ZFAND3: variants seen among roughly 807,000 people sequenced by gnomAD.
The protein encoded by ZFAND3 is AN1-type zinc finger protein 3.
Under a neutral mutation model 29.6 loss-of-function variants are expected in ZFAND3, and 10 were observed. That is an observed-to-expected ratio of 0.34 (90% confidence interval 0.21 to 0.57). The LOEUF is 0.57. Ranked by LOEUF, ZFAND3 falls within the 20% of genes least tolerant of loss-of-function variation. The probability of loss-of-function intolerance (pLI) is 0.86; values close to 1 mark genes in which losing one functional copy is unlikely to be tolerated. For synonymous variants in ZFAND3, 128 were observed against 112.6 expected, an observed-to-expected ratio of 1.14 and a Z score of -0.87; for missense variants, 230 against 304.5, an observed-to-expected ratio of 0.76 and a Z score of 1.82.
At chr6:38,061,875 T>A in intron 3 of ZFAND3, 100 bp downstream of exon 3, 1 of 1,363,152 alleles carries the variant, frequency 7.3e-7, no homozygotes, top group Non-Finnish European at 9.9e-7. Context: ...GCACTTCTTT[T>A]AATTCAAGAT....
At chr6:38,082,349 A>G in intron 3 of ZFAND3, 43 bp from the exon 4 acceptor site, 1 of 1,568,370 alleles carries the variant, frequency 6.4e-7, no homozygotes, top group Non-Finnish European at 8.7e-7. Flanking sequence ...ATGGGCATGT[A>G]AAGGATGTGT....
chr6:38,153,557 C>T lies in ZFAND3; in HGVS notation c.*1168C>T. On this transcript the variant is annotated 3_prime_UTR_variant, in exon 6 of 6. Coordinates refer to ENST00000287218, the MANE Select transcript of ZFAND3 (RefSeq NM_021943.3). Reference sequence around the variant, plus strand: ...ACAGCGGTTTGTGGCTGTGGCCCAGCTCCGAGAGTGATATTTGCTCTGGTA... The same window carrying T: ...ACAGCGGTTTGTGGCTGTGGCCCAGTTCCGAGAGTGATATTTGCTCTGGTA... The T allele has an allele frequency of 2.0e-6, 2 of 985,532 alleles. No individual in the cohort carries two copies. Among genetic ancestry groups the T allele is most frequent in the East Asian group, 1.1e-4 (1 of 8,814 alleles). The allele number at this position is 985,532 out of a possible 1,614,324, so 61.0% of individuals were successfully genotyped here.
chr6:37,860,151 G>A (rs1318282256), intron 1 of ZFAND3, among the ~76,000 whole-genome samples: 1 of 148,398 alleles, frequency 6.7e-6, no homozygotes, highest in Non-Finnish European at 1.5e-5. Context: ...GATTACAGGC[G>A]TGAACCACCG....
chr6:38,153,699 A>T lies in ZFAND3; in HGVS notation c.*1310A>T. On this transcript the variant is annotated 3_prime_UTR_variant, in exon 6 of 6. Transcript: ENST00000287218. ...GGGTGGGGGTGGGCCTGGTTGCCCC[A>T]TGTTAGGAAATCACTACCAGTCAGG... 1.0e-6 allele frequency: 1 copy of T among 985,236 alleles called. No individual in the cohort carries two copies. The highest frequency in any genetic ancestry group is 1.2e-6 in the Non-Finnish European group (1 of 829,874). The allele number at this position is 985,236 out of a possible 1,614,324, so 61.0% of individuals were successfully genotyped here. A position where few individuals can be genotyped will look rare whatever the true frequency, so the allele number is the denominator to read the frequency against.
At chr6:37,993,558 C>T (rs1045804318) in intron 2 of ZFAND3, among the ~76,000 whole-genome samples, 1 of 152,240 alleles carries the variant, frequency 6.6e-6, no homozygotes, top group South Asian at 2.1e-4. Context: ...AACTCCTGAC[C>T]TCAAGTGATC....
At chr6:37,830,621 C>T (rs1015341414) in intron 1 of ZFAND3, among the ~76,000 whole-genome samples, 2 of 152,152 alleles carry the variant, frequency 1.3e-5, no homozygotes, top group Admixed American at 6.5e-5. Context: ...CCTTCTTAGC[C>T]AGTTAAAGAA....
chr6:37,859,070 T>C (rs920894736), intron 1 of ZFAND3, among the ~76,000 whole-genome samples: 2 of 152,236 alleles, frequency 1.3e-5, no homozygotes, highest in African/African-American at 4.8e-5. Flanking sequence ...AGGAGCAGCA[T>C]GTTGTGATGT....
intron 4 of ZFAND3, among the ~76,000 whole-genome samples, chr6:38,087,884 A>G (rs947092497): frequency 6.6e-6 from 1 of 152,182 alleles, no homozygotes; most frequent in Admixed American, 6.5e-5. Context: ...CTGCACTCCC[A>G]TATATATTGC....
chr6:38,023,194 G>T (rs1243590864), intron 2 of ZFAND3, among the ~76,000 whole-genome samples: 3 of 152,180 alleles, frequency 2.0e-5, no homozygotes, highest in Non-Finnish European at 4.4e-5. Context: ...ATCAAGGAGG[G>T]TTTTATCCTT....
intron 2 of ZFAND3, among the ~76,000 whole-genome samples, chr6:37,958,736 C>A (rs771065914): frequency 1.3e-5 from 2 of 151,496 alleles, no homozygotes; most frequent in African/African-American, 4.8e-5. Flanking sequence ...TCAGGACCGC[C>A]CCCCCCTTCC....
Position 37,851,078 on chromosome 6 carries a change from C to T in ZFAND3, c.71+31062C>T, listed in dbSNP as rs564636269. Among the ~76,000 whole-genome samples, 442 of 150,558 alleles carry T rather than the reference C, an allele frequency of 2.9e-3. 3 individuals are homozygous for T. Among genetic ancestry groups the T allele is most frequent in the African/African-American group, 0.01 (420 of 40,912 alleles). ...TTTTTTCTTTTTTGAGACAGTGTCT[C>T]GCACTGTCACCCAGGCTGGAGTGCA... On this transcript the variant is annotated intron_variant, in intron 1 of 5. Transcript: ENST00000287218.
At chr6:37,994,425 TAGAG>T (rs548482072) in intron 2 of ZFAND3, among the ~76,000 whole-genome samples, 120 of 152,304 alleles carry the variant, frequency 7.9e-4, no homozygotes, top group African/African-American at 2.1e-3. Flanking sequence ...ACTTCTTTGA[TAGAG>T]AGAGACTGCT....
chr6:38,149,389 T>A (rs1766174714), intron 5 of ZFAND3, among the ~76,000 whole-genome samples: 1 of 140,554 alleles, frequency 7.1e-6, no homozygotes, highest in Non-Finnish European at 1.5e-5. Flanking sequence ...TCCAGCCTGG[T>A]GACAGAGCAA....
chr6:37,890,160 A>G (rs1274204455), intron 1 of ZFAND3, among the ~76,000 whole-genome samples: 2 of 152,226 alleles, frequency 1.3e-5, no homozygotes. Context: ...ACATACAAGC[A>G]TTGCTTTGCT....
chr6:38,027,974 G>A (rs1763480927), intron 2 of ZFAND3, among the ~76,000 whole-genome samples: 1 of 152,218 alleles, frequency 6.6e-6, no homozygotes. Context: ...GGGCTTAAAG[G>A]TGGTTAGCCG....
chr6:38,136,805 G>A (rs867564090), intron 5 of ZFAND3, among the ~76,000 whole-genome samples: 3 of 152,230 alleles, frequency 2.0e-5, no homozygotes, highest in African/African-American at 4.8e-5. Flanking sequence ...TCAGCGCACC[G>A]TGTAGTTTGT....
chr6:37,984,632 A>G (rs941693364), intron 2 of ZFAND3, among the ~76,000 whole-genome samples: 1 of 152,252 alleles, frequency 6.6e-6, no homozygotes, highest in South Asian at 2.1e-4. Flanking sequence ...GCTAGTTGGC[A>G]GAAACTTTTG....
intron 1 of ZFAND3, among the ~76,000 whole-genome samples, chr6:37,842,255 G>A (rs563618136): frequency 4.8e-4 from 73 of 152,262 alleles, no homozygotes; most frequent in African/African-American, 1.6e-3. Flanking sequence ...GATATACTAT[G>A]TAATGCTACT....
chr6:37,882,672 A>G (rs748630696), intron 1 of ZFAND3, among the ~76,000 whole-genome samples: 1 of 123,934 alleles, frequency 8.1e-6, no homozygotes, highest in South Asian at 2.8e-4. Flanking sequence ...ACCCTTTTGG[A>G]TATTAGAGAT....
Sources: gnomAD v4.1 joint callset for allele counts (sites outside exome capture counted in the v4.1 genomes callset) on GRCh38, gnomAD v4.1.1 for gene constraint, MANE v1.5 for transcripts, NCBI Gene and HGNC (gene_info 2026-07-23, HGNC 2026-07-21) for gene names.